The following KCNA2 variants were observed in gnomAD, a reference collection of about 807,000 sequenced individuals.
KCNA2 encodes potassium voltage-gated channel subfamily A member 2.
Under a neutral mutation model 33.4 loss-of-function variants are expected in KCNA2, and 11 were observed. The observed-to-expected ratio is 0.33, with a 90% confidence interval of 0.21 to 0.55. KCNA2 has a LOEUF of 0.55. KCNA2 is among the 20% of genes least tolerant of loss of function. KCNA2 has a pLI of 0.93. For synonymous variants in KCNA2, 222 were observed against 231.3 expected (o/e 0.96, Z 0.37); for missense variants, 291 against 621.6 (o/e 0.47, Z 5.66).
At chr1:110,621,069 A>G (rs1203470694) in intron 1 of KCNA2, among the ~76,000 whole-genome samples, 2 of 152,196 alleles carry the variant, frequency 1.3e-5, no homozygotes, top group African/African-American at 4.8e-5. Flanking sequence ...AAATAACTGA[A>G]GCGCCTCCAT....
upstream of KCNA2, chr1:110,606,391 T>A (rs1310644505): frequency 2.0e-5 from 3 of 152,154 alleles, no homozygotes; most frequent in Non-Finnish European, 2.9e-5. Context: ...CGAGGCGGCT[T>A]GGCAGCAGCG....
upstream of KCNA2, among the ~76,000 whole-genome samples, chr1:110,609,427 C>A (rs186290414): frequency 6.4e-4 from 98 of 152,260 alleles, no homozygotes; most frequent in Middle Eastern, 3.4e-3. Context: ...TACATTAGTA[C>A]CATTTCATTG....
Position 110,597,330 on chromosome 1 carries a change from A to G in KCNA2, c.*5953T>C, listed in dbSNP as rs548613214. 94 of 985,308 alleles carry G rather than the reference A, an allele frequency of 9.5e-5. No individual in the cohort carries two copies. The African/African-American group carries it at 1.4e-3, about 15-fold the overall frequency. 61.0% of individuals were successfully genotyped at this position (985,308 alleles called of 1,614,324 possible). On this transcript the variant is annotated 3_prime_UTR_variant, in exon 3 of 3. Coordinates refer to ENST00000316361, the MANE Select transcript of KCNA2 (RefSeq NM_004974.4). ...GGCTCAGGATGCTTTATTCTTATCT[A>G]TTGGGAAGTGCTTTCGTGTAGGCTT...
chr1:110,594,308 CAT>C lies in KCNA2; in HGVS notation c.*8973_*8974del, dbSNP rs762498068. 274 of 713,128 alleles carry C rather than the reference CAT, an allele frequency of 3.8e-4. No individual in the cohort carries two copies. The highest frequency in any genetic ancestry group is 5.4e-4 in the East Asian group (3 of 5,522). 44.2% of individuals were successfully genotyped at this position (713,128 alleles called of 1,614,324 possible). ...CTCTCTCTCTCTATATATATATATA[CAT>C]ATATATATATATGTGTGTGTATATA... On this transcript the variant is annotated 3_prime_UTR_variant, in exon 3 of 3. Coordinates refer to ENST00000316361, the MANE Select transcript of KCNA2 (RefSeq NM_004974.4).
chr1:110,613,674 C>A (rs1277505647), intron 1 of KCNA2, among the ~76,000 whole-genome samples: 2 of 152,216 alleles, frequency 1.3e-5, no homozygotes, highest in Non-Finnish European at 2.9e-5. Flanking sequence ...CACCAGGCAA[C>A]CCCTGTATCA....
chr1:110,624,840 T>C (rs936051152), intron 1 of KCNA2, among the ~76,000 whole-genome samples: 3 of 152,176 alleles, frequency 2.0e-5, no homozygotes, highest in Non-Finnish European at 4.4e-5. Flanking sequence ...AGACCATAAA[T>C]AGTGGCAAGT....
rs1308890439 is a variant in KCNA2, at chr1:110,595,266, T to C, written c.*8017A>G. On this transcript the variant is annotated 3_prime_UTR_variant, in exon 3 of 3. Coordinates refer to ENST00000316361, the MANE Select transcript of KCNA2 (RefSeq NM_004974.4). Reference sequence around the variant, plus strand: ...CAGCTGCAAACTCATCTGGAACATATTAGACTATTTTAGGAGTGCAGAGGA... The same window carrying C: ...CAGCTGCAAACTCATCTGGAACATACTAGACTATTTTAGGAGTGCAGAGGA... 1 of 985,308 alleles carries C rather than the reference T, an allele frequency of 1.0e-6. No individual in the cohort carries two copies. The highest frequency in any genetic ancestry group is 1.7e-5 in the African/African-American group (1 of 57,228). The allele number at this position is 985,308 out of a possible 1,614,324, so 61.0% of individuals were successfully genotyped here.
intron 1 of KCNA2, among the ~76,000 whole-genome samples, chr1:110,620,188 C>G (rs930460095): frequency 6.6e-6 from 1 of 152,176 alleles, no homozygotes; most frequent in Admixed American, 6.5e-5. Context: ...ACATCCCGGC[C>G]TCTCCTTTCA....
chr1:110,613,533 C>T (rs1289829771), intron 1 of KCNA2, among the ~76,000 whole-genome samples: 1 of 152,218 alleles, frequency 6.6e-6, no homozygotes, highest in Admixed American at 6.5e-5. Context: ...CTTAGAGGGC[C>T]CTCACTTCTG....
At position 110,603,134 on chromosome 1, in the gene KCNA2, A is replaced by C. The variant is rs149568414; in HGVS notation, c.*149T>G. The C allele has an allele frequency of 2.8e-6, 4 of 1,444,882 alleles. No homozygotes were observed. The African/African-American group carries it at 4.3e-5, about 15-fold the overall frequency. 89.5% of individuals were successfully genotyped at this position (1,444,882 alleles called of 1,614,324 possible). On this transcript the variant is annotated 3_prime_UTR_variant, in exon 3 of 3. Coordinates refer to ENST00000316361, the MANE Select transcript of KCNA2 (RefSeq NM_004974.4). This position sits in a 1 kb window ranked among gnomAD's most constrained non-coding sequence, Gnocchi z 5.7. ...TGATAGATATTCTGTGTTCTAAATC[A>C]AAAGTCAAAAGATCAAAAGTCACTT...
chr1:110,595,466 T>C lies in KCNA2; in HGVS notation c.*7817A>G, dbSNP rs1375394500. On this transcript the variant is annotated 3_prime_UTR_variant, in exon 3 of 3. Transcript: ENST00000316361. ...CCAGACTGGAGGGCTTCTGTGGGTGTGGGGAGATGGCAGACACCCCTGCAC... is the reference window on the plus strand; with the variant it reads ...CCAGACTGGAGGGCTTCTGTGGGTGCGGGGAGATGGCAGACACCCCTGCAC... The C allele has an allele frequency of 1.4e-5, 14 of 985,270 alleles. No homozygotes were observed. Among genetic ancestry groups the C allele is most frequent in the Non-Finnish European group, 1.7e-5 (14 of 829,964 alleles). The allele number at this position is 985,270 out of a possible 1,614,324, so 61.0% of individuals were successfully genotyped here.
rs1210080854 is a variant in KCNA2, at chr1:110,597,696, C to G, written c.*5587G>C. On this transcript the variant is annotated 3_prime_UTR_variant, in exon 3 of 3. Transcript: ENST00000316361. Reference sequence around the variant, plus strand: ...AGACTGTGAATGAGCCCCCAGAAGTCAAGGGCATTATCTGATAATCCAGGT... The same window carrying G: ...AGACTGTGAATGAGCCCCCAGAAGTGAAGGGCATTATCTGATAATCCAGGT... 3.0e-6 allele frequency: 3 copies of G among 985,288 alleles called. No individual in the cohort carries two copies. Among genetic ancestry groups the G allele is most frequent in the Admixed American group, 6.1e-5 (1 of 16,264 alleles). The allele number at this position is 985,288 out of a possible 1,614,324, so 61.0% of individuals were successfully genotyped here.
intron 1 of KCNA2, among the ~76,000 whole-genome samples, chr1:110,613,903 T>C (rs750834726): frequency 1.3e-5 from 2 of 152,220 alleles, no homozygotes; most frequent in Non-Finnish European, 2.9e-5. Flanking sequence ...TCCTGTCCAC[T>C]AGTCACTCTG....
chr1:110,610,456 A>C (rs952368724), upstream of KCNA2, among the ~76,000 whole-genome samples: 6 of 152,198 alleles, frequency 3.9e-5, no homozygotes, highest in Non-Finnish European at 5.9e-5. Context: ...GCAGGGCAGG[A>C]GGACACTGGG....
rs967489192 is a variant in KCNA2 at position 110,599,010 on chromosome 1, C to T, written c.*4273G>A. The T allele has an allele frequency of 2.0e-6, 2 of 985,284 alleles. No individual in the cohort carries two copies. The highest frequency in any genetic ancestry group is 1.7e-5 in the African/African-American group (1 of 57,220). 61.0% of individuals were successfully genotyped at this position (985,284 alleles called of 1,614,324 possible). A position where few individuals can be genotyped will look rare whatever the true frequency, so the allele number is the denominator to read the frequency against. On this transcript the variant is annotated 3_prime_UTR_variant, in exon 3 of 3. Transcript: ENST00000316361. ...AAGCCAACAGGAATGGTACCTTGAC[C>T]TGGAAACACAAGTTTCCAGCAAAGC...
Position 110,601,051 on chromosome 1 carries a change from C to G in KCNA2, c.*2232G>C, listed in dbSNP as rs919867219. The G allele has an allele frequency of 3.0e-6, 3 of 985,316 alleles. No individual in the cohort carries two copies. In the African/African-American group the frequency reaches 5.2e-5, roughly 17 times the overall value. 61.0% of individuals were successfully genotyped at this position (985,316 alleles called of 1,614,324 possible). Reference sequence around the variant, plus strand: ...GAGTTAAAAGCCCCCTACCTGAAGCCATTTCAGGGTCAACCTACTGTCTAC... The same window carrying G: ...GAGTTAAAAGCCCCCTACCTGAAGCGATTTCAGGGTCAACCTACTGTCTAC... On this transcript the variant is annotated 3_prime_UTR_variant, in exon 3 of 3. Coordinates refer to ENST00000316361, the MANE Select transcript of KCNA2 (RefSeq NM_004974.4).
Position 110,594,460 on chromosome 1 carries a change from T to A in KCNA2, c.*8823A>T, listed in dbSNP as rs1434478134. 1 of 985,300 alleles carries A rather than the reference T, an allele frequency of 1.0e-6. No individual in the cohort carries two copies. Among genetic ancestry groups the A allele is most frequent in the African/African-American group, 1.7e-5 (1 of 57,220 alleles). 61.0% of individuals were successfully genotyped at this position (985,300 alleles called of 1,614,324 possible). A position where few individuals can be genotyped will look rare whatever the true frequency, so the allele number is the denominator to read the frequency against. On this transcript the variant is annotated 3_prime_UTR_variant, in exon 3 of 3. Transcript: ENST00000316361. Reference sequence around the variant, plus strand: ...ATGAGCTTTACAGCTATGTCCCTGATGAAAACTAGAGAATCTTCCTTGATT... The same window carrying A: ...ATGAGCTTTACAGCTATGTCCCTGAAGAAAACTAGAGAATCTTCCTTGATT...
Position 110,593,613 on chromosome 1 carries a change from A to C in KCNA2, c.*9670T>G. ...AAAAATTTTATTTTTTTCATATCAC[A>C]CAGAATGATGTTAAAATAAATCCCC... On this transcript the variant is annotated 3_prime_UTR_variant, in exon 3 of 3. Transcript: ENST00000316361. 3.3e-6 allele frequency: 1 copy of C among 301,230 alleles called. No individual in the cohort carries two copies. The highest frequency in any genetic ancestry group is 5.5e-5 in the East Asian group (1 of 18,074). The allele number at this position is 301,230 out of a possible 1,614,324, so 18.7% of individuals were successfully genotyped here.
chr1:110,617,775 G>C (rs1650115046), intron 1 of KCNA2, among the ~76,000 whole-genome samples: 1 of 152,206 alleles, frequency 6.6e-6, no homozygotes, highest in African/African-American at 2.4e-5. Context: ...GAGAGGTGGT[G>C]TGCGAAGTGC....
Sources: allele counts gnomAD v4.1 joint callset (sites outside exome capture counted in the v4.1 genomes callset), GRCh38; gene constraint gnomAD v4.1.1; non-coding constraint Gnocchi (gnomAD v3.1); transcripts MANE v1.5; gene names NCBI Gene and HGNC (gene_info 2026-07-23, HGNC 2026-07-21).